The following CDK6 variants were observed in gnomAD, a reference collection of about 807,000 sequenced individuals.
CDK6 encodes the protein cyclin-dependent kinase 6.
Under a neutral mutation model 37.1 loss-of-function variants are expected in CDK6, and 6 were observed. The observed-to-expected ratio is 0.16, with a 90% CI of 0.09 to 0.32. CDK6 has a LOEUF of 0.32. CDK6 is among the 10% of genes least tolerant of loss of function. The pLI is 1.00. For missense variants in CDK6, 224 were observed against 418.9 expected, an observed-to-expected ratio of 0.53 and a Z score of 4.06; for synonymous variants, 160 against 161.3, an observed-to-expected ratio of 0.99 and a Z score of 0.06.
At chr7:92,830,451 A>G (rs1229826681) in intron 2 of CDK6, among the ~76,000 whole-genome samples, 1 of 152,248 alleles carries the variant, frequency 6.6e-6, no homozygotes, top group Non-Finnish European at 1.5e-5. Flanking sequence ...TTATAAAAGC[A>G]TCTGCCCTTT....
At chr7:92,668,667 G>C (rs1163424851) in intron 5 of CDK6, among the ~76,000 whole-genome samples, 1 of 152,178 alleles carries the variant, frequency 6.6e-6, no homozygotes, top group Non-Finnish European at 1.5e-5. Context: ...TGCTTTAAGA[G>C]CCTATGGCTT....
chr7:92,630,266 C>T (rs1247177390), intron 5 of CDK6, among the ~76,000 whole-genome samples: 1 of 146,196 alleles, frequency 6.8e-6, no homozygotes, highest in Non-Finnish European at 1.5e-5. Flanking sequence ...GATATTTTTT[C>T]TTGCCAAATT....
chr7:92,661,147 T>G (rs1200031623), intron 5 of CDK6, among the ~76,000 whole-genome samples: 1 of 152,158 alleles, frequency 6.6e-6, no homozygotes, highest in African/African-American at 2.4e-5. Context: ...AGGAGGCTCC[T>G]GGATGCAATG....
At chr7:92,793,346 A>G (rs1355202911) in intron 2 of CDK6, among the ~76,000 whole-genome samples, 1 of 152,168 alleles carries the variant, frequency 6.6e-6, no homozygotes, top group East Asian at 1.9e-4. Context: ...TCTCAATTTC[A>G]AAACTTACCA....
At chr7:92,770,700 C>T (rs1012335507) in intron 3 of CDK6, among the ~76,000 whole-genome samples, 9 of 151,684 alleles carry the variant, frequency 5.9e-5, no homozygotes, top group African/African-American at 2.2e-4. Context: ...ATGATGTTAC[C>T]CCTATGATAT....
chr7:92,672,190 TACACACACACACACACACACACAC>T (rs71107866), intron 4 of CDK6, among the ~76,000 whole-genome samples: 2 of 62,790 alleles, frequency 3.2e-5, no homozygotes, highest in Non-Finnish European at 4.9e-5. Flanking sequence ...CACAGACACA[TACACACACACACACACACACACAC>T]ACACACACAC....
intron 4 of CDK6, chr7:92,725,089 G>C: frequency 3.0e-6 from 3 of 985,336 alleles, no homozygotes; most frequent in Non-Finnish European, 3.6e-6. Flanking sequence ...TTCTATTCAG[G>C]GTTATATGAG....
intron 4 of CDK6, among the ~76,000 whole-genome samples, chr7:92,684,098 T>C (rs919211475): frequency 6.6e-6 from 1 of 152,214 alleles, no homozygotes; most frequent in Admixed American, 6.5e-5. Context: ...TGTTGTCTTA[T>C]ATAATCTTCA....
At chr7:92,743,430 A>G (rs1343274465) in intron 3 of CDK6, among the ~76,000 whole-genome samples, 1 of 151,008 alleles carries the variant, frequency 6.6e-6, no homozygotes, top group African/African-American at 2.4e-5. Context: ...TAATAAAAAA[A>G]GAACTCCAGC....
intron 5 of CDK6, among the ~76,000 whole-genome samples, chr7:92,653,568 A>G (rs1236144398): frequency 6.6e-6 from 1 of 152,230 alleles, no homozygotes; most frequent in African/African-American, 2.4e-5. Context: ...ATGTGAGTCA[A>G]CAAGTTTTTT....
In CDK6 at chr7:92,684,592, C is replaced by G. The variant is rs1005758009; in HGVS notation, c.538-13057G>C. On this transcript the variant is annotated intron_variant, in intron 4 of 7. Transcript: ENST00000424848. ...TCCCTTCCCTGAAGACCAGGCATCA[C>G]CCTTCCTCCCTAACATTTTCTCCTT... Among the ~76,000 whole-genome samples, 5 of 152,144 alleles carry G rather than the reference C, an allele frequency of 3.3e-5. No individual in the cohort carries two copies. In the East Asian group the frequency reaches 9.6e-4, roughly 29 times the overall value.
At chr7:92,744,961 T>C (rs957542681) in intron 3 of CDK6, among the ~76,000 whole-genome samples, 9 of 152,194 alleles carry the variant, frequency 5.9e-5, no homozygotes, top group Admixed American at 3.3e-4. Context: ...ATTTTGTGTA[T>C]TTTATTTTTA....
chr7:92,616,223 G>A (rs1795674621), intron 7 of CDK6, among the ~76,000 whole-genome samples: 2 of 152,090 alleles, frequency 1.3e-5, no homozygotes, highest in African/African-American at 4.8e-5. Context: ...CATGGTTAAT[G>A]GAAGACCTCT....
At chr7:92,819,150 A>G (rs1801107065) in intron 2 of CDK6, among the ~76,000 whole-genome samples, 1 of 152,124 alleles carries the variant, frequency 6.6e-6, no homozygotes, top group Non-Finnish European at 1.5e-5. Flanking sequence ...ACAGCCCTAA[A>G]CTGGAAACAA....
At chr7:92,724,075 C>T (rs1798451851) in intron 4 of CDK6, among the ~76,000 whole-genome samples, 1 of 152,126 alleles carries the variant, frequency 6.6e-6, no homozygotes, top group Non-Finnish European at 1.5e-5. Flanking sequence ...TCCATCTACT[C>T]CCCTGATGAC....
At chr7:92,802,308 A>C (rs1800600959) in intron 2 of CDK6, among the ~76,000 whole-genome samples, 1 of 152,156 alleles carries the variant, frequency 6.6e-6, no homozygotes, top group Non-Finnish European at 1.5e-5. Flanking sequence ...GTATTCTTCA[A>C]GGAAGCTTCT....
At chr7:92,746,683 T>C (rs1310213544) in intron 3 of CDK6, among the ~76,000 whole-genome samples, 5 of 152,210 alleles carry the variant, frequency 3.3e-5, no homozygotes, top group Admixed American at 3.3e-4. Flanking sequence ...TCTGTTCCAA[T>C]TTATAATCCC....
intron 2 of CDK6, 52 bp from the exon 3 acceptor site, chr7:92,774,883 C>G (rs1225059357): frequency 6.4e-7 from 1 of 1,563,618 alleles, no homozygotes; most frequent in Non-Finnish European, 8.7e-7. Flanking sequence ...AAAGAAGTAA[C>G]CTGTATGTTT....
intron 2 of CDK6, among the ~76,000 whole-genome samples, chr7:92,806,973 G>C (rs931368785): frequency 6.6e-6 from 1 of 152,186 alleles, no homozygotes; most frequent in African/African-American, 2.4e-5. Context: ...TTTTGGGCAA[G>C]AGGTCAACAA....
Sources: allele counts gnomAD v4.1 joint callset (sites outside exome capture counted in the v4.1 genomes callset), GRCh38; gene constraint gnomAD v4.1.1; transcripts MANE v1.5; gene names NCBI Gene and HGNC (gene_info 2026-07-23, HGNC 2026-07-21).